Variants in ELMOD1 observed in about 807,000 individuals in gnomAD.
ELMOD1 encodes ELMO domain containing 1.
Under a neutral mutation model 46.7 loss-of-function variants are expected in ELMOD1, and 21 were observed. That is an observed-to-expected ratio of 0.45 (90% CI 0.32 to 0.65). The LOEUF is 0.65. Among genes scored for constraint, ELMOD1 ranks in the 30% least tolerant of loss-of-function variants. The pLI is 0.04. For synonymous variants in ELMOD1, 122 were observed against 138.2 expected, an observed-to-expected ratio of 0.88 and a Z score of 0.82; for missense variants, 348 against 407.8, an observed-to-expected ratio of 0.85 and a Z score of 1.26.
intron 2 of ELMOD1, among the ~76,000 whole-genome samples, chr11:107,621,685 T>TA (rs57723188): frequency 6.6e-6 from 1 of 151,124 alleles, no homozygotes; most frequent in South Asian, 2.1e-4. Context: ...TTGTGTCACA[T>TA]TACCCCATTA....
chr11:107,646,943 AATCTATCTATCTATCTATCTATCT>A (rs10536920), intron 6 of ELMOD1, among the ~76,000 whole-genome samples: 2 of 147,966 alleles, frequency 1.4e-5, no homozygotes, highest in East Asian at 2.0e-4. Flanking sequence ...TTATCTATCT[AATCTATCTATCTATCTATCTATCT>A]ATCTATCTAT....
intron 2 of ELMOD1, 24 bp from the exon 3 acceptor site, chr11:107,630,393 G>C (rs1866114468): frequency 2.5e-6 from 4 of 1,574,154 alleles, no homozygotes; most frequent in Non-Finnish European, 3.4e-6. Context: ...CTATTGGAAG[G>C]GTGCTGTGTT....
intron 6 of ELMOD1, among the ~76,000 whole-genome samples, chr11:107,636,655 T>C (rs118058552): frequency 0.026 from 4,002 of 152,300 alleles, 67 homozygotes; most frequent in South Asian, 0.078. Flanking sequence ...TGTTGTGTTT[T>C]TGTGTGAAGG....
At chr11:107,602,160 T>C (rs1016388467) in intron 1 of ELMOD1, among the ~76,000 whole-genome samples, 3 of 152,250 alleles carry the variant, frequency 2.0e-5, no homozygotes, top group Non-Finnish European at 2.9e-5. Flanking sequence ...GAATTTTTTC[T>C]TGGAATTTTT....
At chr11:107,631,956 A>T (rs1866149078) in intron 5 of ELMOD1, among the ~76,000 whole-genome samples, 1 of 152,232 alleles carries the variant, frequency 6.6e-6, no homozygotes. Flanking sequence ...CCCATTCATC[A>T]ACAATCACTC....
At position 107,635,687 on chromosome 11, in the gene ELMOD1, C is replaced by A; in HGVS notation, c.342C>A (p.Asn114Lys). The change falls in exon 6 of 12, where the codon AAC becomes AAA. Residue 114 changes from asparagine to lysine, a missense_variant. Coordinates refer to ENST00000265840, the MANE Select transcript of ELMOD1 (RefSeq NM_018712.4). ...TTCTGCAAATCGTTGGGTACAGGAA[C>A]CTTATTGCAGATGTGGAAAAACTGC... ...ACLLQIVGYR[N>K]LIADVEKLRR... is the part of the protein sequence containing the mutation. 6.2e-7 allele frequency: 1 copy of A among 1,613,908 alleles called. No individual in the cohort carries two copies. The highest frequency in any genetic ancestry group is 1.1e-5 in the South Asian group (1 of 91,068).
chr11:107,603,689 C>T (rs753682133), intron 1 of ELMOD1, among the ~76,000 whole-genome samples: 41 of 152,238 alleles, frequency 2.7e-4, no homozygotes, highest in Non-Finnish European at 4.9e-4. Flanking sequence ...CCAGCCTGGC[C>T]AACATGGCCA....
At chr11:107,649,867 CTCAG>C (rs1866495464) in intron 7 of ELMOD1, among the ~76,000 whole-genome samples, 1 of 152,122 alleles carries the variant, frequency 6.6e-6, no homozygotes, top group African/African-American at 2.4e-5. Flanking sequence ...CATATCTATG[CTCAG>C]TAAGATATTT....
At chr11:107,607,688 A>G (rs1263529451) in intron 1 of ELMOD1, among the ~76,000 whole-genome samples, 1 of 151,746 alleles carries the variant, frequency 6.6e-6, no homozygotes, top group Non-Finnish European at 1.5e-5. Context: ...AACAAACAAG[A>G]TATAGGACAA....
chr11:107,617,731 A>T (rs1014530786), intron 1 of ELMOD1, among the ~76,000 whole-genome samples: 9 of 152,306 alleles, frequency 5.9e-5, no homozygotes, highest in Non-Finnish European at 1.3e-4. Flanking sequence ...GGGCCGCCAG[A>T]TACTAGACTA....
At chr11:107,638,815 A>G (rs183192852) in intron 6 of ELMOD1, among the ~76,000 whole-genome samples, 1 of 152,338 alleles carries the variant, frequency 6.6e-6, no homozygotes, top group East Asian at 1.9e-4. Flanking sequence ...GAGAGACCGT[A>G]CAGCTCATAA....
chr11:107,613,916 A>G (rs1370753705), intron 1 of ELMOD1, among the ~76,000 whole-genome samples: 1 of 152,196 alleles, frequency 6.6e-6, no homozygotes, highest in Non-Finnish European at 1.5e-5. Context: ...TTTGTTTCCA[A>G]CCTGTGTTGT....
At chr11:107,615,866 T>TG (rs761653463) in intron 1 of ELMOD1, among the ~76,000 whole-genome samples, 8 of 151,514 alleles carry the variant, frequency 5.3e-5, no homozygotes, top group East Asian at 1.9e-4. Flanking sequence ...GTTATATGTT[T>TG]GGGGGAGTAA....
chr11:107,610,397 G>A (rs1385724979), intron 1 of ELMOD1, among the ~76,000 whole-genome samples: 1 of 152,104 alleles, frequency 6.6e-6, no homozygotes, highest in African/African-American at 2.4e-5. Context: ...GGCCAGGCCT[G>A]GTGGTAAAGT....
At chr11:107,613,247 T>C (rs1389719038) in intron 1 of ELMOD1, among the ~76,000 whole-genome samples, 7 of 152,220 alleles carry the variant, frequency 4.6e-5, no homozygotes, top group Non-Finnish European at 7.3e-5. Flanking sequence ...TCACTGAATG[T>C]ATATTAAATA....
chr11:107,609,576 A>T (rs1172933605), intron 1 of ELMOD1, among the ~76,000 whole-genome samples: 1 of 152,204 alleles, frequency 6.6e-6, no homozygotes, highest in Non-Finnish European at 1.5e-5. Flanking sequence ...ACCCCGTAGC[A>T]CTTTACAAAG....
chr11:107,609,084 G>A (rs1359079293), intron 1 of ELMOD1, among the ~76,000 whole-genome samples: 3 of 152,130 alleles, frequency 2.0e-5, no homozygotes, highest in South Asian at 2.1e-4. Context: ...CTGCAAAATG[G>A]AGATAATTGT....
rs11390120 is a variant in ELMOD1, at chr11:107,645,089, A to ATTTT, written c.421-2361_421-2358dup. ...AGGCGCCCACCACCATGCCTGGCTAATTTTTTTTTTTTTTTTTTTTTGTAT... is the reference window on the plus strand; with the variant it reads ...AGGCGCCCACCACCATGCCTGGCTAATTTTTTTTTTTTTTTTTTTTTTTTTGTAT... On this transcript the variant is annotated intron_variant, in intron 6 of 11. Coordinates refer to ENST00000265840, the MANE Select transcript of ELMOD1 (RefSeq NM_018712.4). Among the ~76,000 whole-genome samples, 543 of 103,160 alleles carry ATTTT rather than the reference A, an allele frequency of 5.3e-3. 7 individuals are homozygous for ATTTT. Among genetic ancestry groups the ATTTT allele is most frequent in the African/African-American group, 0.016 (426 of 26,058 alleles). The allele number at this position is 103,160 out of a possible 152,430, so 67.7% of individuals were successfully genotyped here. A position where few individuals can be genotyped will look rare whatever the true frequency, so the allele number is the denominator to read the frequency against.
intron 2 of ELMOD1, among the ~76,000 whole-genome samples, chr11:107,626,614 TTTC>T (rs1256203682): frequency 8.0e-6 from 1 of 124,556 alleles, no homozygotes; most frequent in African/African-American, 2.8e-5. Context: ...TCTTTCCTTC[TTTC>T]TTTCTTTCCT....
Sources: gnomAD v4.1 joint callset for allele counts (sites outside exome capture counted in the v4.1 genomes callset) on GRCh38, gnomAD v4.1.1 for gene constraint, MANE v1.5 for transcripts, NCBI Gene and HGNC (gene_info 2026-07-23, HGNC 2026-07-21) for gene names.